Variants in PLD5 observed in about 807,000 individuals in gnomAD.
The protein encoded by PLD5 is phospholipase D family member 5.
A neutral mutation model predicts 61.1 loss-of-function variants in PLD5; 36 were observed. The ratio of observed to expected loss-of-function variants is 0.59; its 90% confidence interval spans 0.45 to 0.78. The LOEUF (loss-of-function observed/expected upper bound fraction) is 0.78. Ranked by LOEUF, PLD5 falls within the 30% of genes least tolerant of loss-of-function variation. The probability of loss-of-function intolerance (pLI) is 0.00; values close to 1 mark genes in which losing one functional copy is unlikely to be tolerated. For missense variants in PLD5, 515 were observed against 644.4 expected (o/e 0.80, Z 2.17); for synonymous variants, 243 against 242.8 (o/e 1.00, Z -0.01).
chr1:242,335,056 T>C (rs573573345), intron 2 of PLD5, among the ~76,000 whole-genome samples: 103 of 152,012 alleles, frequency 6.8e-4, no homozygotes, highest in African/African-American at 2.1e-3. Flanking sequence ...TCTCTACAGT[T>C]TTTATTTTAT....
intron 1 of PLD5, among the ~76,000 whole-genome samples, chr1:242,490,464 C>T (rs547838516): frequency 2.6e-5 from 4 of 152,294 alleles, no homozygotes; most frequent in South Asian, 2.1e-4. Flanking sequence ...AACTATACCT[C>T]GAACACAGGA....
chr1:242,317,255 T>C (rs946566723), intron 2 of PLD5, among the ~76,000 whole-genome samples: 1 of 152,208 alleles, frequency 6.6e-6, no homozygotes, highest in Non-Finnish European at 1.5e-5. Flanking sequence ...CATCAGGTGA[T>C]CCACCTGCCT....
intron 1 of PLD5, among the ~76,000 whole-genome samples, chr1:242,523,186 G>T (rs1669333414): frequency 6.6e-6 from 1 of 152,140 alleles, no homozygotes; most frequent in South Asian, 2.1e-4. Context: ...ACTCAATTTG[G>T]ATTCTGCAGC....
Position 242,089,658 on chromosome 1 carries a change from A to C in PLD5, c.*196T>G. ...AATGACATTCTCTGTCAGAGGTAAC[A>C]AATACAAAAGTCTTAATTTTAGTGT... On this transcript the variant is annotated 3_prime_UTR_variant, in exon 10 of 10. Transcript: ENST00000536534. 1 of 651,834 alleles carries C rather than the reference A, an allele frequency of 1.5e-6. No individual in the cohort carries two copies. The highest frequency in any genetic ancestry group is 2.5e-6 in the Non-Finnish European group (1 of 400,526). 40.4% of individuals were successfully genotyped at this position (651,834 alleles called of 1,614,324 possible).
intron 5 of PLD5, among the ~76,000 whole-genome samples, chr1:242,216,122 A>T (rs1391073851): frequency 1.3e-5 from 2 of 152,202 alleles, no homozygotes; most frequent in Non-Finnish European, 2.9e-5. Flanking sequence ...TTGGAAAAGA[A>T]TGTTGCTAAT....
chr1:242,272,431 A>G (rs979074075), intron 3 of PLD5, among the ~76,000 whole-genome samples: 2 of 152,170 alleles, frequency 1.3e-5, no homozygotes, highest in African/African-American at 4.8e-5. Flanking sequence ...CACTCTATAT[A>G]TCAAATCCCC....
intron 1 of PLD5, among the ~76,000 whole-genome samples, chr1:242,420,641 C>T (rs933564445): frequency 2.0e-5 from 3 of 152,092 alleles, no homozygotes; most frequent in African/African-American, 7.2e-5. Context: ...TCCAACTTCC[C>T]TATCTTTCTA....
intron 1 of PLD5, among the ~76,000 whole-genome samples, chr1:242,457,754 C>T (rs1332455793): frequency 1.3e-5 from 2 of 152,184 alleles, no homozygotes; most frequent in Non-Finnish European, 2.9e-5. Flanking sequence ...GATCCAGGTC[C>T]GGCTCAACCT....
intron 4 of PLD5, among the ~76,000 whole-genome samples, chr1:242,248,228 C>T (rs897553538): frequency 2.6e-5 from 4 of 152,212 alleles, no homozygotes; most frequent in Non-Finnish European, 4.4e-5. Flanking sequence ...GGCATGAAAA[C>T]GAGACAGCAA....
At chr1:242,372,834 A>G (rs1340068952) in intron 1 of PLD5, among the ~76,000 whole-genome samples, 1 of 69,108 alleles carries the variant, frequency 1.4e-5, no homozygotes, top group African/African-American at 3.7e-5. Context: ...TAAAACCATA[A>G]AAACCCTAGA....
intron 1 of PLD5, 93 bp downstream of exon 1, chr1:242,523,995 C>A (rs1291712099): frequency 1.5e-6 from 2 of 1,353,180 alleles, no homozygotes; most frequent in East Asian, 2.8e-5. Context: ...CCTCGCCTGC[C>A]CCCCGCGCCC....
chr1:242,154,704 A>C (rs1295968381), intron 5 of PLD5, among the ~76,000 whole-genome samples: 1 of 152,078 alleles, frequency 6.6e-6, no homozygotes, highest in Non-Finnish European at 1.5e-5. Flanking sequence ...TCACTTGGTC[A>C]TGGTGGATAA....
chr1:242,114,644 C>A (rs1661800775), intron 6 of PLD5, among the ~76,000 whole-genome samples: 1 of 152,152 alleles, frequency 6.6e-6, no homozygotes, highest in Non-Finnish European at 1.5e-5. Flanking sequence ...TCCTGTCAGA[C>A]GAGTGGGGGC....
intron 4 of PLD5, among the ~76,000 whole-genome samples, chr1:242,224,063 T>C (rs932258886): frequency 4.6e-5 from 7 of 152,340 alleles, no homozygotes; most frequent in African/African-American, 1.7e-4. Flanking sequence ...CTACAAAACA[T>C]ATTTAATGAT....
rs569637875 is a variant in PLD5 at position 242,461,917 on chromosome 1, A to G, written c.189+62171T>C. ...TCCTTTGCCCATTTTTAGTGGGTTT[A>G]TTTGTTTTTTGCTTATTGATTTATT... is the stretch of plus-strand genomic sequence containing the variant. On this transcript the variant is annotated intron_variant, in intron 1 of 9. Coordinates refer to ENST00000536534, the MANE Select transcript of PLD5 (RefSeq NM_001372062.1). 9.8e-3 allele frequency among the ~76,000 whole-genome samples: 1,490 copies of G among 152,016 alleles called. 28 individuals are homozygous for G. Among genetic ancestry groups the G allele is most frequent in the African/African-American group, 0.034 (1,420 of 41,486 alleles).
At chr1:242,470,648 T>C (rs1667423373) in intron 1 of PLD5, among the ~76,000 whole-genome samples, 1 of 152,198 alleles carries the variant, frequency 6.6e-6, no homozygotes. Context: ...CTATTAACAC[T>C]ACAAATATCA....
intron 9 of PLD5, among the ~76,000 whole-genome samples, chr1:242,095,234 A>C (rs1013805603): frequency 2.0e-5 from 3 of 151,354 alleles, no homozygotes. Context: ...CGCGTCCGGC[A>C]TATTTATTTA....
intron 5 of PLD5, among the ~76,000 whole-genome samples, chr1:242,153,029 A>G (rs1485720878): frequency 6.6e-6 from 1 of 151,160 alleles, no homozygotes; most frequent in African/African-American, 2.5e-5. Context: ...TTGTTTCCTG[A>G]CTTTTTAATG....
Position 242,265,365 on chromosome 1 carries a change from T to G in PLD5, c.579A>C (p.Ser193=). 6.2e-7 allele frequency: 1 copy of G among 1,612,318 alleles called. No homozygotes were observed. The highest frequency in any genetic ancestry group is 8.5e-7 in the Non-Finnish European group (1 of 1,179,552). ...IKLVSDVTAD[S]KVLEALKLKG... is the part of the protein sequence containing the mutation. ...TTAATTTCAAGGCTTCTAATACCTT[T>G]GAATCAGCTGTTACATCACTCACTA... is the stretch of plus-strand genomic sequence containing the variant. The change falls in exon 4 of 10, where the codon TCA becomes TCC. Residue 193 remains serine (S), a synonymous_variant. Coordinates refer to ENST00000536534, the MANE Select transcript of PLD5 (RefSeq NM_001372062.1).
Sources: allele counts gnomAD v4.1 joint callset (sites outside exome capture counted in the v4.1 genomes callset), GRCh38; gene constraint gnomAD v4.1.1; transcripts MANE v1.5; gene names NCBI Gene and HGNC (gene_info 2026-07-23, HGNC 2026-07-21).